Variants in COMMD1 observed in about 807,000 individuals in gnomAD.
COMMD1 encodes copper metabolism domain containing 1.
A neutral mutation model predicts 17.2 loss-of-function variants in COMMD1; 10 were observed. The ratio of observed to expected loss-of-function variants is 0.58; its 90% CI spans 0.36 to 0.99. COMMD1 has a LOEUF of 0.99. Among genes scored for constraint, COMMD1 ranks in the 50% least tolerant of loss-of-function variants. COMMD1 has a pLI of 0.01. For missense variants in COMMD1, 270 were observed against 231.8 expected (o/e 1.17, Z -1.07); for synonymous variants, 97 against 91.6 (o/e 1.06, Z -0.34).
At chr2:61,978,992 A>C (rs2103746472) in intron 1 of COMMD1, among the ~76,000 whole-genome samples, 1 of 152,266 alleles carries the variant, frequency 6.6e-6, no homozygotes, top group Non-Finnish European at 1.5e-5. Context: ...AGTTACTGTA[A>C]AATATACAAT....
At chr2:62,059,073 T>C (rs1670786482) in intron 2 of COMMD1, among the ~76,000 whole-genome samples, 1 of 152,194 alleles carries the variant, frequency 6.6e-6, no homozygotes, top group African/African-American at 2.4e-5. Context: ...CCACCGCACC[T>C]GGCCACAAAT....
At chr2:61,977,249 T>C (rs1558544978) in intron 1 of COMMD1, among the ~76,000 whole-genome samples, 1 of 146,770 alleles carries the variant, frequency 6.8e-6, no homozygotes. Flanking sequence ...TGCTTTTTTT[T>C]TTTTTTTTTT....
chr2:61,997,448 A>C (rs1383758155), intron 1 of COMMD1, among the ~76,000 whole-genome samples: 1 of 152,134 alleles, frequency 6.6e-6, no homozygotes, highest in East Asian at 1.9e-4. Context: ...CTGTGTTAGC[A>C]GTCATGAAAA....
intron 2 of COMMD1, among the ~76,000 whole-genome samples, chr2:62,063,085 C>T (rs903950466): frequency 1.3e-5 from 2 of 151,892 alleles, no homozygotes; most frequent in Non-Finnish European, 2.9e-5. Context: ...GGTGTGGTGG[C>T]AGGTGCCTGT....
intron 1 of COMMD1, among the ~76,000 whole-genome samples, chr2:61,892,752 G>T (rs1669463161): frequency 6.6e-6 from 1 of 151,150 alleles, no homozygotes; most frequent in African/African-American, 2.4e-5. Context: ...ATCTCTCTTA[G>T]GTTTTACTCC....
At chr2:61,995,175 C>A (rs62149913) in intron 1 of COMMD1, among the ~76,000 whole-genome samples, 8,067 of 152,168 alleles carry the variant, frequency 0.053, 334 homozygotes, top group Admixed American at 0.12. Context: ...TTGTCAACCT[C>A]CAGGGCTTGA....
upstream of COMMD1, among the ~76,000 whole-genome samples, chr2:61,903,253 G>A (rs1669697227): frequency 6.6e-6 from 1 of 152,046 alleles, no homozygotes; most frequent in South Asian, 2.1e-4. Flanking sequence ...AGACCAGCCT[G>A]GCCAACATGG....
chr2:61,933,658 A>G (rs1005083400), intron 1 of COMMD1, among the ~76,000 whole-genome samples: 20 of 152,258 alleles, frequency 1.3e-4, no homozygotes, highest in African/African-American at 4.1e-4. Context: ...ACAGCCCCTC[A>G]ACCTTGGACT....
chr2:61,976,198 T>TAAAAA (rs200120465), intron 1 of COMMD1, among the ~76,000 whole-genome samples: 1 of 122,910 alleles, frequency 8.1e-6, no homozygotes, highest in Non-Finnish European at 1.7e-5. Flanking sequence ...ATAGAGTAAC[T>TAAAAA]AAAAAAAAAA....
At chr2:61,929,334 T>C (rs968009072) in intron 1 of COMMD1, among the ~76,000 whole-genome samples, 1 of 152,208 alleles carries the variant, frequency 6.6e-6, no homozygotes, top group Non-Finnish European at 1.5e-5. Context: ...CGGCTCTATT[T>C]TGTCGGGGTC....
intron 1 of COMMD1, among the ~76,000 whole-genome samples, chr2:61,921,311 G>A (rs934810489): frequency 6.6e-6 from 1 of 151,990 alleles, no homozygotes; most frequent in African/African-American, 2.4e-5. Context: ...TACAATAGAA[G>A]TAAACATTTG....
At chr2:62,063,871 AT>A (rs1558583228) in intron 2 of COMMD1, among the ~76,000 whole-genome samples, 611 of 46,514 alleles carry the variant, frequency 0.013, 16 homozygotes, top group African/African-American at 0.03. Context: ...TCTACAAAAT[AT>A]ATATATATAT....
At chr2:61,917,914 G>A (rs1670091320) in intron 1 of COMMD1, among the ~76,000 whole-genome samples, 1 of 152,224 alleles carries the variant, frequency 6.6e-6, no homozygotes, top group Admixed American at 6.5e-5. Flanking sequence ...TAGTCTTAAA[G>A]TGTTTATATT....
At chr2:62,049,938 G>A (rs1670492260) in intron 2 of COMMD1, among the ~76,000 whole-genome samples, 1 of 152,162 alleles carries the variant, frequency 6.6e-6, no homozygotes, top group Non-Finnish European at 1.5e-5. Context: ...CAGTTTTACT[G>A]TAATTGCATG....
intron 1 of COMMD1, among the ~76,000 whole-genome samples, chr2:61,981,604 T>G (rs1264503849): frequency 6.6e-6 from 1 of 152,152 alleles, no homozygotes; most frequent in Admixed American, 6.5e-5. Flanking sequence ...GAAAGAGGTT[T>G]TAATGAACTT....
In COMMD1 at chr2:62,087,575, G is replaced by A. The variant is rs190662637; in HGVS notation, c.463-48256G>A. Among the ~76,000 whole-genome samples the A allele has an allele frequency of 3.7e-3, 564 of 152,212 alleles. 6 individuals are homozygous for A. The highest frequency in any genetic ancestry group is 5.9e-3 in the Admixed American group (90 of 15,296). Reference sequence around the variant, plus strand: ...AGCCTGGCCAACATGACGAAACCCCGTCTCTACTAAAAGTACAAAAATTAG... The same window carrying A: ...AGCCTGGCCAACATGACGAAACCCCATCTCTACTAAAAGTACAAAAATTAG... On this transcript the variant is annotated intron_variant, in intron 2 of 2. Coordinates refer to ENST00000311832, the MANE Select transcript of COMMD1 (RefSeq NM_152516.4).
At chr2:61,888,658 G>A (rs1669323902), upstream of COMMD1, 9 of 905,252 alleles carry the variant, frequency 9.9e-6, no homozygotes, top group South Asian at 1.3e-4. Flanking sequence ...GCGGAGAAGG[G>A]GGCCTTCCTT....
At position 61,963,190 on chromosome 2, in the gene COMMD1, TACAC is replaced by T. The variant is rs375894719; in HGVS notation, c.181-37483_181-37480del. ...AAAAAATATATATATATATATTATA[TACAC>T]ACACACACACACACACACACACACA... On this transcript the variant is annotated intron_variant, in intron 1 of 2. Transcript: ENST00000311832. 8.2e-3 allele frequency among the ~76,000 whole-genome samples: 1,119 copies of T among 136,336 alleles called. 12 individuals are homozygous for T. The highest frequency in any genetic ancestry group is 0.029 in the Middle Eastern group (8 of 274). 89.4% of individuals were successfully genotyped at this position (136,336 alleles called of 152,430 possible). A position where few individuals can be genotyped will look rare whatever the true frequency, so the allele number is the denominator to read the frequency against.
intron 1 of COMMD1, among the ~76,000 whole-genome samples, chr2:61,926,718 T>C (rs1670337691): frequency 6.6e-6 from 1 of 152,296 alleles, no homozygotes; most frequent in Admixed American, 6.5e-5. Context: ...ATGTAAAATA[T>C]AGATTTTTCT....
Sources: gnomAD v4.1 joint callset for allele counts (sites outside exome capture counted in the v4.1 genomes callset) on GRCh38, gnomAD v4.1.1 for gene constraint, MANE v1.5 for transcripts, NCBI Gene and HGNC (gene_info 2026-07-23, HGNC 2026-07-21) for gene names.